Variants in SYNDIG1 observed in about 807,000 individuals in gnomAD.
The protein encoded by SYNDIG1 is synapse differentiation-inducing gene protein 1.
In SYNDIG1, 9 loss-of-function variants were observed where a neutral mutation model predicts 19.4. The ratio of observed to expected loss-of-function variants is 0.46; its 90% confidence interval spans 0.28 to 0.81. The LOEUF is 0.81. Among genes scored for constraint, SYNDIG1 ranks in the 30% least tolerant of loss-of-function variants. The pLI, the probability that SYNDIG1 is intolerant of heterozygous loss-of-function variation, is 0.12. For synonymous variants in SYNDIG1, 141 were observed against 145.9 expected (o/e 0.97, Z 0.24); for missense variants, 311 against 343.3 (o/e 0.91, Z 0.74).
At chr20:24,493,893 G>A (rs1366140956) in intron 1 of SYNDIG1, among the ~76,000 whole-genome samples, 1 of 152,228 alleles carries the variant, frequency 6.6e-6, no homozygotes, top group Non-Finnish European at 1.5e-5. Flanking sequence ...GGTAGTGAGA[G>A]AAGGAAGAAA....
In SYNDIG1 at chr20:24,485,358, A is replaced by G. The variant is rs531156068; in HGVS notation, c.-79+15605A>G. Among the ~76,000 whole-genome samples, 17 of 152,330 alleles carry G rather than the reference A, an allele frequency of 1.1e-4. 1 individual carries two copies. In the South Asian group the frequency reaches 3.5e-3, roughly 32 times the overall value. Reference sequence around the variant, plus strand: ...TGCAGAATCTGGGACATAGATTGATAGCACCAATTTTGTTCATTAGATGGA... The same window carrying G: ...TGCAGAATCTGGGACATAGATTGATGGCACCAATTTTGTTCATTAGATGGA... On this transcript the variant is annotated intron_variant, in intron 1 of 3. Transcript: ENST00000376862.
At chr20:24,502,085 C>T (rs1008555312) in intron 1 of SYNDIG1, 3 of 152,392 alleles carry the variant, frequency 2.0e-5, no homozygotes, top group Admixed American at 6.5e-5. Flanking sequence ...GTCCCCTAGA[C>T]GTTCCCACAG....
intron 1 of SYNDIG1, among the ~76,000 whole-genome samples, chr20:24,512,415 C>T (rs1212123570): frequency 6.6e-6 from 1 of 151,734 alleles, no homozygotes; most frequent in Non-Finnish European, 1.5e-5. Context: ...ATAGACAGCA[C>T]CTGGAAAATC....
chr20:24,470,794 C>T (rs898543797), intron 1 of SYNDIG1, among the ~76,000 whole-genome samples: 1 of 152,172 alleles, frequency 6.6e-6, no homozygotes. Context: ...TCGTTGCACG[C>T]AGAGGCTTGG....
At chr20:24,527,146 C>G (rs1029582409) in intron 1 of SYNDIG1, among the ~76,000 whole-genome samples, 2 of 152,158 alleles carry the variant, frequency 1.3e-5, no homozygotes, top group Non-Finnish European at 2.9e-5. Context: ...TGATCTTTCT[C>G]ATTCTACCTG....
chr20:24,524,699 C>T (rs1189807279), intron 1 of SYNDIG1, among the ~76,000 whole-genome samples: 1 of 152,036 alleles, frequency 6.6e-6, no homozygotes, highest in Admixed American at 6.6e-5. Context: ...ATTTTCTCTT[C>T]CATTAAGATT....
intron 1 of SYNDIG1, among the ~76,000 whole-genome samples, chr20:24,517,632 A>G (rs986412608): frequency 2.8e-5 from 4 of 142,752 alleles, no homozygotes; most frequent in East Asian, 2.0e-4. Flanking sequence ...AAAAAAAAGT[A>G]TATATATATA....
chr20:24,525,409 C>A (rs527397602), intron 1 of SYNDIG1, among the ~76,000 whole-genome samples: 1 of 151,198 alleles, frequency 6.6e-6, no homozygotes, highest in East Asian at 2.0e-4. Flanking sequence ...CTCCACCTCC[C>A]GAGTAGCTGG....
chr20:24,507,559 G>T (rs571377683), intron 1 of SYNDIG1, among the ~76,000 whole-genome samples: 6 of 152,170 alleles, frequency 3.9e-5, no homozygotes, highest in Admixed American at 6.5e-5. Flanking sequence ...TCTGCTGCGC[G>T]CCTGGAGCCG....
intron 2 of SYNDIG1, among the ~76,000 whole-genome samples, chr20:24,553,993 G>A (rs902281325): frequency 6.6e-6 from 1 of 152,156 alleles, no homozygotes; most frequent in Non-Finnish European, 1.5e-5. Context: ...ATTGAACAGT[G>A]GTTTGTAGTT....
intron 3 of SYNDIG1, 21 bp downstream of exon 3, chr20:24,585,014 C>T (rs1310796551): frequency 7.4e-6 from 11 of 1,487,076 alleles, no homozygotes; most frequent in African/African-American, 7.2e-5. Context: ...CTTGGTCTGT[C>T]GCACGTGGTG....
intron 2 of SYNDIG1, among the ~76,000 whole-genome samples, chr20:24,553,559 A>ATT (rs2057750613): frequency 6.6e-6 from 1 of 152,228 alleles, no homozygotes; most frequent in Admixed American, 6.5e-5. Flanking sequence ...ACCAGTTATT[A>ATT]AATAGGAAAT....
chr20:24,477,360 G>A lies in SYNDIG1; in HGVS notation c.-79+7607G>A, dbSNP rs115584460. ...GTTTTTTTTTTCTTTTTTTACCAGA[G>A]CAGGGCCACATGGACACCTCCCTCC... On this transcript the variant is annotated intron_variant, in intron 1 of 3. Coordinates refer to ENST00000376862, the MANE Select transcript of SYNDIG1 (RefSeq NM_024893.3). Among the ~76,000 whole-genome samples the A allele has an allele frequency of 3.8e-3, 579 of 151,588 alleles. 4 individuals are homozygous for A. Among genetic ancestry groups the A allele is most frequent in the African/African-American group, 0.013 (542 of 41,282 alleles).
intron 2 of SYNDIG1, among the ~76,000 whole-genome samples, chr20:24,560,446 C>G (rs1346281967): frequency 6.6e-6 from 1 of 152,052 alleles, no homozygotes; most frequent in African/African-American, 2.4e-5. Flanking sequence ...TCTGTCATAA[C>G]AAATCTGCTG....
At chr20:24,572,282 C>T (rs1471934774) in intron 2 of SYNDIG1, among the ~76,000 whole-genome samples, 2 of 152,226 alleles carry the variant, frequency 1.3e-5, no homozygotes, top group African/African-American at 4.8e-5. Context: ...GCAACCTAGG[C>T]AGCCCAGCTG....
At chr20:24,605,277 G>A (rs929444248) in intron 3 of SYNDIG1, among the ~76,000 whole-genome samples, 1 of 152,226 alleles carries the variant, frequency 6.6e-6, no homozygotes, top group African/African-American at 2.4e-5. Flanking sequence ...AGCCCAGCTA[G>A]ATACAAGCAT....
chr20:24,567,001 G>A (rs1429523654), intron 2 of SYNDIG1, among the ~76,000 whole-genome samples: 3 of 152,158 alleles, frequency 2.0e-5, no homozygotes, highest in African/African-American at 7.2e-5. Context: ...TAGCCACATG[G>A]CCTGACCCCT....
intron 2 of SYNDIG1, among the ~76,000 whole-genome samples, chr20:24,544,973 G>A (rs1433342743): frequency 1.3e-5 from 2 of 152,164 alleles, no homozygotes; most frequent in East Asian, 1.9e-4. Context: ...GGTGGAGGAG[G>A]CAGGAGAAAG....
chr20:24,640,852 C>T (rs994583125), intron 3 of SYNDIG1, among the ~76,000 whole-genome samples: 4 of 152,192 alleles, frequency 2.6e-5, no homozygotes, highest in Non-Finnish European at 5.9e-5. Context: ...CAGCCACCAC[C>T]CACGTGTCAG....
Sources: gnomAD v4.1 joint callset for allele counts (sites outside exome capture counted in the v4.1 genomes callset) on GRCh38, gnomAD v4.1.1 for gene constraint, MANE v1.5 for transcripts, NCBI Gene and HGNC (gene_info 2026-07-23, HGNC 2026-07-21) for gene names.